The following SHC3 variants were observed in gnomAD, a reference collection of about 807,000 sequenced individuals.
SHC3 encodes the protein SHC adaptor protein 3, also known as SHC-transforming protein 3.
Under a neutral mutation model 60.4 loss-of-function variants are expected in SHC3, and 15 were observed. That is an observed-to-expected ratio of 0.25 (90% CI 0.17 to 0.38). The LOEUF (loss-of-function observed/expected upper bound fraction) is 0.38. Ranked by LOEUF, SHC3 falls within the 10% of genes least tolerant of loss-of-function variation. The pLI, the probability that SHC3 is intolerant of heterozygous loss-of-function variation, is 1.00. For missense variants in SHC3, 677 were observed against 786.1 expected, an observed-to-expected ratio of 0.86 and a Z score of 1.66; for synonymous variants, 294 against 325.9, an observed-to-expected ratio of 0.90 and a Z score of 1.05.
chr9:89,037,340 C>A, intron 11 of SHC3: 1 of 599,976 alleles, frequency 1.7e-6, no homozygotes, highest in Non-Finnish European at 3.0e-6. Context: ...TTAAACAATC[C>A]TGGAATTTCA....
intron 1 of SHC3, among the ~76,000 whole-genome samples, chr9:89,120,979 C>A (rs1179197437): frequency 6.6e-6 from 1 of 151,782 alleles, no homozygotes; most frequent in East Asian, 1.9e-4. Flanking sequence ...CATATAAAAA[C>A]CACTGAACAC....
intron 2 of SHC3, 30 bp downstream of exon 2, chr9:89,112,526 T>C (rs372656280): frequency 4.4e-6 from 7 of 1,601,380 alleles, no homozygotes; most frequent in African/African-American, 1.3e-5. Flanking sequence ...AGAAGTAAAA[T>C]CACAGGAGTC....
Position 89,092,567 on chromosome 9 carries a change from A to G in SHC3, c.546-14664T>C, listed in dbSNP as rs545920671. On this transcript the variant is annotated intron_variant, in intron 2 of 11. Coordinates refer to ENST00000375835, the MANE Select transcript of SHC3 (RefSeq NM_016848.6). ...CAGAAGCAGAGCTTGCAGTGAGCCA[A>G]ATTGCACCACTGCACTCCAGCCTGG... Among the ~76,000 whole-genome samples, 15 of 149,980 alleles carry G rather than the reference A, an allele frequency of 1.0e-4. 1 individual carries two copies. The South Asian group carries it at 2.6e-3, about 26-fold the overall frequency.
At chr9:89,089,132 T>C (rs73654725) in intron 2 of SHC3, among the ~76,000 whole-genome samples, 4,508 of 152,292 alleles carry the variant, frequency 0.03, 207 homozygotes, top group African/African-American at 0.1. Context: ...ACAGAGCCTG[T>C]CCATTCCAGG....
At chr9:89,153,166 G>C (rs1296497969) in intron 1 of SHC3, among the ~76,000 whole-genome samples, 1 of 152,148 alleles carries the variant, frequency 6.6e-6, no homozygotes, top group Non-Finnish European at 1.5e-5. Flanking sequence ...TTTATTTTAA[G>C]GGGTCCTTGA....
chr9:89,083,972 A>G (rs1277951408), intron 2 of SHC3, among the ~76,000 whole-genome samples: 3 of 152,218 alleles, frequency 2.0e-5, no homozygotes, highest in Non-Finnish European at 4.4e-5. Context: ...AGCCAAGCAG[A>G]TTAGTTTCCC....
intron 8 of SHC3, among the ~76,000 whole-genome samples, chr9:89,046,324 AT>A (rs1458843854): frequency 2.6e-5 from 4 of 152,130 alleles, no homozygotes; most frequent in Non-Finnish European, 5.9e-5. Context: ...TGGTGTCATT[AT>A]CATTCACATA....
At chr9:89,094,289 C>G (rs1227053328) in intron 2 of SHC3, among the ~76,000 whole-genome samples, 2 of 151,960 alleles carry the variant, frequency 1.3e-5, no homozygotes, top group Non-Finnish European at 2.9e-5. Flanking sequence ...GATTTCAGAA[C>G]AGGAATTGGC....
Position 89,161,590 on chromosome 9 carries a change from A to T in SHC3, c.474+16397T>A, listed in dbSNP as rs142904816. ...CAGGCTGCCATAACAAATATACCAC[A>T]GACTAATAATAAGAGCTATCTATGA... On this transcript the variant is annotated intron_variant, in intron 1 of 11. Transcript: ENST00000375835. Among the ~76,000 whole-genome samples, 262 of 152,202 alleles carry T rather than the reference A, an allele frequency of 1.7e-3. 1 individual carries two copies. The highest frequency in any genetic ancestry group is 5.7e-3 in the African/African-American group (235 of 41,444).
At chr9:89,062,839 G>A (rs1230914567) in intron 6 of SHC3, among the ~76,000 whole-genome samples, 2 of 152,188 alleles carry the variant, frequency 1.3e-5, no homozygotes, top group Non-Finnish European at 2.9e-5. Flanking sequence ...ACATGGCATA[G>A]GGGAGGAAGA....
At chr9:89,078,912 G>A (rs1825403699) in intron 2 of SHC3, among the ~76,000 whole-genome samples, 1 of 152,180 alleles carries the variant, frequency 6.6e-6, no homozygotes, top group African/African-American at 2.4e-5. Context: ...TAAACTTTCC[G>A]AGCTCAATAC....
intron 1 of SHC3, among the ~76,000 whole-genome samples, chr9:89,168,216 A>G (rs1489041077): frequency 1.3e-5 from 2 of 152,234 alleles, no homozygotes; most frequent in Non-Finnish European, 2.9e-5. Flanking sequence ...CTGTAATCCC[A>G]GCACTTTGGG....
intron 1 of SHC3, among the ~76,000 whole-genome samples, chr9:89,115,243 T>C (rs1213181479): frequency 6.6e-6 from 1 of 152,170 alleles, no homozygotes; most frequent in Non-Finnish European, 1.5e-5. Flanking sequence ...TTTATTGGAA[T>C]GACACAGCCA....
intron 1 of SHC3, among the ~76,000 whole-genome samples, chr9:89,151,863 T>G (rs376718895): frequency 6.6e-6 from 1 of 152,248 alleles, no homozygotes; most frequent in East Asian, 1.9e-4. Flanking sequence ...TTCTTCTTTA[T>G]GTTTTTCTTT....
At position 89,012,393 on chromosome 9, in the gene SHC3, G is replaced by A. The variant is rs187562980; in HGVS notation, c.*1054C>T. 50 of 152,268 alleles carry A rather than the reference G, an allele frequency of 3.3e-4. No homozygotes were observed. Among genetic ancestry groups the A allele is most frequent in the Non-Finnish European group, 4.4e-5 (3 of 68,040 alleles). The allele number at this position is 152,268 out of a possible 1,614,324, so 9.4% of individuals were successfully genotyped here. The stretch of plus-strand genomic sequence containing the variant: ...TCATGCCAGAGGCAGTACCTCAAAT[G>A]GATTCCAGTGACTCCTGGGTTTCTG... On this transcript the variant is annotated 3_prime_UTR_variant, in exon 12 of 12. Transcript: ENST00000375835.
chr9:89,166,602 G>A (rs1826792717), intron 1 of SHC3, among the ~76,000 whole-genome samples: 1 of 152,102 alleles, frequency 6.6e-6, no homozygotes, highest in African/African-American at 2.4e-5. Context: ...CAAAAGAATC[G>A]AAAAGGGGTT....
Position 89,012,997 on chromosome 9 carries a change from C to T in SHC3, c.*450G>A, listed in dbSNP as rs971684601. 2 of 152,074 alleles carry T rather than the reference C, an allele frequency of 1.3e-5. No homozygotes were observed. The highest frequency in any genetic ancestry group is 4.8e-5 in the African/African-American group (2 of 41,362). The allele number at this position is 152,074 out of a possible 1,614,324, so 9.4% of individuals were successfully genotyped here. The stretch of plus-strand genomic sequence containing the variant: ...GCTAGGCATGCTCTGAGCAGCATGC[C>T]TTGCGATTCCCTCACAATTCTGTGT... On this transcript the variant is annotated 3_prime_UTR_variant, in exon 12 of 12. Coordinates refer to ENST00000375835, the MANE Select transcript of SHC3 (RefSeq NM_016848.6).
At chr9:89,057,800 C>T (rs949075193) in intron 6 of SHC3, among the ~76,000 whole-genome samples, 6 of 152,142 alleles carry the variant, frequency 3.9e-5, no homozygotes, top group African/African-American at 7.2e-5. Context: ...CCCTCCTCCC[C>T]GCAAAAGTCA....
intron 1 of SHC3, among the ~76,000 whole-genome samples, chr9:89,141,721 G>A (rs1188293406): frequency 2.0e-5 from 3 of 152,104 alleles, no homozygotes; most frequent in Non-Finnish European, 4.4e-5. Context: ...AACTACTATG[G>A]CTCAAACTTG....
Sources: allele counts gnomAD v4.1 joint callset (sites outside exome capture counted in the v4.1 genomes callset), GRCh38; gene constraint gnomAD v4.1.1; transcripts MANE v1.5; gene names NCBI Gene and HGNC (gene_info 2026-07-23, HGNC 2026-07-21).